ZNF573: variants seen among roughly 807,000 people sequenced by gnomAD.
ZNF573 encodes zinc finger protein 573.
A neutral mutation model predicts 57.4 loss-of-function variants in ZNF573; 41 were observed. That is an observed-to-expected ratio of 0.71 (90% CI 0.56 to 0.93). ZNF573 has a LOEUF of 0.93. Among genes scored for constraint, ZNF573 ranks in the 40% least tolerant of loss-of-function variants. ZNF573 has a pLI of 0.00. For missense variants in ZNF573, 730 were observed against 794.8 expected (o/e 0.92, Z 0.98); for synonymous variants, 249 against 261.0 (o/e 0.95, Z 0.44).
chr19:37,752,960 T>C (rs550714609), intron 4 of ZNF573, among the ~76,000 whole-genome samples: 3 of 152,266 alleles, frequency 2.0e-5, no homozygotes, highest in African/African-American at 7.2e-5. Context: ...AACTTTTGTC[T>C]AACATTATTT....
In ZNF573 at chr19:37,740,214, C is replaced by CA. The variant is rs768714845; in HGVS notation, c.296-21dup. The CA allele has an allele frequency of 9.9e-6, 15 of 1,519,732 alleles. No homozygotes were observed. The highest frequency in any genetic ancestry group is 9.4e-5 in the South Asian group (7 of 74,638). 94.1% of individuals were successfully genotyped at this position (1,519,732 alleles called of 1,614,324 possible). On this transcript the variant is annotated intron_variant, in intron 4 of 4. Transcript: ENST00000536220. ...CCAAATCTGAAACAAAAGAGGACAA[C>CA]AAAAAAAATTTGTATTTCTATACCA...
rs767443068 is a variant in ZNF573 at position 37,738,973 on chromosome 19, G to T, written c.1517C>A (p.Thr506Asn). 3.1e-6 allele frequency: 5 copies of T among 1,613,874 alleles called. No homozygotes were observed. The Middle Eastern group carries it at 4.9e-4, about 160-fold the overall frequency. The change falls in exon 5 of 5, where the codon ACC (threonine) becomes AAC (asparagine). Residue 506 changes from threonine to asparagine, a missense_variant. By Grantham distance (65) the Thr-to-Asn change is moderately conservative. Coordinates refer to ENST00000536220, the MANE Select transcript of ZNF573 (RefSeq NM_001172690.2). ...KPYKCKECGKTFSLHGYLNQH... is the reference protein window; with the variant it reads ...KPYKCKECGKNFSLHGYLNQH... Reference sequence around the variant, plus strand: ...ATTAAGATATCCATGCAAGCTAAAGGTCTTGCCACATTCCTTACATTTATA... The same window carrying T: ...ATTAAGATATCCATGCAAGCTAAAGTTCTTGCCACATTCCTTACATTTATA...
chr19:37,759,611 C>T (rs928748588), intron 4 of ZNF573, among the ~76,000 whole-genome samples: 2 of 151,900 alleles, frequency 1.3e-5, no homozygotes, highest in Non-Finnish European at 2.9e-5. Context: ...ACCTGTAGTC[C>T]CAGCTACTCG....
rs1166876764 is a variant in ZNF573 at position 37,759,988 on chromosome 19, CA to C, written c.295+10016del. On this transcript the variant is annotated intron_variant, in intron 4 of 4. Transcript: ENST00000536220. ...TTCTCAGCTTCAGCAATAAGAAATG[CA>C]AACGATAAAGACTGACATTGTTCAC... Among the ~76,000 whole-genome samples, 3 of 152,150 alleles carry C rather than the reference CA, an allele frequency of 2.0e-5. No homozygotes were observed. In the East Asian group the frequency reaches 5.8e-4, roughly 29 times the overall value.
chr19:37,759,267 T>C, intron 4 of ZNF573: 1 of 410,624 alleles, frequency 2.4e-6, no homozygotes, highest in Admixed American at 6.4e-5. Flanking sequence ...TAGAAATTTA[T>C]AGCAATATCA....
At chr19:37,777,286 T>TTACA (rs1462405595) in intron 1 of ZNF573, among the ~76,000 whole-genome samples, 1 of 152,120 alleles carries the variant, frequency 6.6e-6, no homozygotes, top group East Asian at 1.9e-4. Flanking sequence ...AATGCTGGGA[T>TTACA]TACAGGTGTG....
intron 4 of ZNF573, among the ~76,000 whole-genome samples, chr19:37,768,757 C>T (rs973766629): frequency 6.6e-6 from 1 of 151,896 alleles, no homozygotes; most frequent in Non-Finnish European, 1.5e-5. Context: ...GCTCCGCCTC[C>T]CGGGTTCATG....
At chr19:37,762,831 G>C (rs1224220500) in intron 4 of ZNF573, among the ~76,000 whole-genome samples, 1 of 151,434 alleles carries the variant, frequency 6.6e-6, no homozygotes. Flanking sequence ...GAGTGCAGTG[G>C]TGCGATCTCG....
At chr19:37,776,937 A>G (rs1223419223) in intron 1 of ZNF573, among the ~76,000 whole-genome samples, 1 of 152,254 alleles carries the variant, frequency 6.6e-6, no homozygotes, top group Non-Finnish European at 1.5e-5. Flanking sequence ...ACAATGTGAT[A>G]CCAATTTGCT....
At chr19:37,764,815 G>A (rs1012605326) in intron 4 of ZNF573, among the ~76,000 whole-genome samples, 3 of 151,686 alleles carry the variant, frequency 2.0e-5, no homozygotes, top group Non-Finnish European at 4.4e-5. Context: ...GTGTTAGCCA[G>A]GATGGTCTCG....
At chr19:37,773,420 A>G (rs2045677117) in intron 2 of ZNF573, among the ~76,000 whole-genome samples, 1 of 152,236 alleles carries the variant, frequency 6.6e-6, no homozygotes, top group African/African-American at 2.4e-5. Flanking sequence ...GCTCTATCAT[A>G]GACTTTGGTT....
At chr19:37,773,600 T>C in intron 2 of ZNF573, 61 bp downstream of exon 2, 1 of 1,362,352 alleles carries the variant, frequency 7.3e-7, no homozygotes, top group Non-Finnish European at 1.0e-6. Flanking sequence ...CTTAGGTTAA[T>C]GAAAACATCC....
chr19:37,759,144 T>C (rs953759273), intron 4 of ZNF573: 3 of 606,550 alleles, frequency 4.9e-6, no homozygotes, highest in African/African-American at 4.0e-5. Context: ...CCATCTCTAA[T>C]AAACAAACAA....
Position 37,739,209 on chromosome 19 carries a change from G to A in ZNF573, c.1281C>T (p.Gly427=), listed in dbSNP as rs1288558325. 1.2e-6 allele frequency: 2 copies of A among 1,612,734 alleles called. No homozygotes were observed. Among genetic ancestry groups the A allele is most frequent in the Admixed American group, 3.3e-5 (2 of 59,750 alleles). Residue 427 remains glycine (G), a synonymous_variant, in exon 5 of 5, where the codon GGC becomes GGT. Transcript: ENST00000536220. The stretch of plus-strand genomic sequence containing the variant: ...GAATTTTCTGATGTTGTTTAAGGTA[G>A]CCATACAAGCTAAAGGCCTTTCCGC... ...KECGKAFSLY[G]YLKQHQKIHT...
chr19:37,748,926 C>CAAAAAAA (rs35400830), intron 4 of ZNF573, among the ~76,000 whole-genome samples: 1 of 70,688 alleles, frequency 1.4e-5, no homozygotes, highest in Non-Finnish European at 2.6e-5. Flanking sequence ...GACTTGGTCT[C>CAAAAAAA]AAAAAAAAAA....
rs2045660750 is a variant in ZNF573 at position 37,771,682 on chromosome 19, C to T, written c.84G>A (p.Val28=). The T allele has an allele frequency of 1.3e-6, 2 of 1,591,370 alleles. No homozygotes were observed. The highest frequency in any genetic ancestry group is 4.6e-5 in the East Asian group (2 of 43,366). The change falls in exon 3 of 5, where the codon GTG becomes GTA. Residue 28 remains valine, a synonymous_variant. Transcript: ENST00000536220. The part of the protein sequence containing the change: ...SKTMTCFQEL[V]TFRDVAIDFS... Reference sequence around the variant, plus strand: ...AGTCTATGGCCACATCCCTGAATGTCACTAATTCCTGAAACTGCAAACCCA... The same window carrying T: ...AGTCTATGGCCACATCCCTGAATGTTACTAATTCCTGAAACTGCAAACCCA...
At chr19:37,776,387 G>C (rs552556661) in intron 1 of ZNF573, among the ~76,000 whole-genome samples, 1 of 152,260 alleles carries the variant, frequency 6.6e-6, no homozygotes, top group South Asian at 2.1e-4. Flanking sequence ...GTGGGGAAAA[G>C]ACACACTATT....
At chr19:37,758,199 T>TAAAAAAAAAAAAAAA (rs1224494420) in intron 4 of ZNF573, among the ~76,000 whole-genome samples, 1 of 11,874 alleles carries the variant, frequency 8.4e-5, no homozygotes, top group African/African-American at 1.7e-4. Flanking sequence ...TAAAGTATAA[T>TAAAAAAAAAAAAAAA]AAAATATATA....
chr19:37,773,895 C>A lies in ZNF573; in HGVS notation c.-22-144G>T, dbSNP rs2045682338. The stretch of plus-strand genomic sequence containing the variant: ...AAACAGACAATGAATCTAAGCACTC[C>A]CTCACACCCCAGGAAACCCAGCTAT... On this transcript the variant is annotated intron_variant, in intron 1 of 4. Coordinates refer to ENST00000536220, the MANE Select transcript of ZNF573 (RefSeq NM_001172690.2). The A allele has an allele frequency of 1.1e-5, 6 of 558,186 alleles. No homozygotes were observed. The South Asian group carries it at 1.4e-4, about 13-fold the overall frequency. The allele number at this position is 558,186 out of a possible 1,614,324, so 34.6% of individuals were successfully genotyped here.
Sources: gnomAD v4.1 joint callset for allele counts (sites outside exome capture counted in the v4.1 genomes callset) on GRCh38, gnomAD v4.1.1 for gene constraint, MANE v1.5 for transcripts, NCBI Gene and HGNC (gene_info 2026-07-23, HGNC 2026-07-21) for gene names.